Variants in THSD7A observed in about 807,000 individuals in gnomAD.
The protein encoded by THSD7A is thrombospondin type-1 domain-containing protein 7A.
A neutral mutation model predicts 231.3 loss-of-function variants in THSD7A; 96 were observed. The observed-to-expected ratio is 0.41, with a 90% CI of 0.35 to 0.49. The LOEUF (loss-of-function observed/expected upper bound fraction) is 0.49, where lower values mean the gene tolerates loss of function less well. Among genes scored for constraint, THSD7A ranks in the 20% least tolerant of loss-of-function variants. THSD7A has a pLI of 0.05. For missense variants in THSD7A, 2,290 were observed against 2,070.2 expected (o/e 1.11, Z -2.06); for synonymous variants, 940 against 743.3 (o/e 1.26, Z -4.30).
rs925199708 is a variant in THSD7A, at chr7:11,802,569, G to T, written c.190+29188C>A. On this transcript the variant is annotated intron_variant, in intron 1 of 27. Coordinates refer to ENST00000423059, the MANE Select transcript of THSD7A (RefSeq NM_015204.3). The stretch of plus-strand genomic sequence containing the variant: ...TAACAGAGAAGGATAGAGAGACAGA[G>T]GTTGAGTTAAGAGTGGGCCAGAAAA... 2.0e-5 allele frequency among the ~76,000 whole-genome samples: 3 copies of T among 152,154 alleles called. No homozygotes were observed. In the South Asian group the frequency reaches 6.2e-4, roughly 32 times the overall value.
chr7:11,532,734 T>TA (rs1788758117), intron 6 of THSD7A, among the ~76,000 whole-genome samples: 1 of 152,228 alleles, frequency 6.6e-6, no homozygotes, highest in Non-Finnish European at 1.5e-5. Context: ...AATGTCCATT[T>TA]AATGTTTTCT....
At chr7:11,574,040 C>T (rs566184646) in intron 4 of THSD7A, among the ~76,000 whole-genome samples, 1 of 152,162 alleles carries the variant, frequency 6.6e-6, no homozygotes, top group East Asian at 1.9e-4. Flanking sequence ...ACAAGCATAC[C>T]TGAGTGTTAT....
At chr7:11,386,382 T>G (rs943113236) in intron 23 of THSD7A, among the ~76,000 whole-genome samples, 1 of 152,238 alleles carries the variant, frequency 6.6e-6, no homozygotes, top group Non-Finnish European at 1.5e-5. Flanking sequence ...GCATCCATTG[T>G]ATCCTGACTT....
At chr7:11,752,934 AT>A (rs1782549752) in intron 1 of THSD7A, among the ~76,000 whole-genome samples, 3 of 118 alleles carry the variant, frequency 0.025, no homozygotes, top group South Asian at 0.25. Flanking sequence ...GTCTCAGTCA[AT>A]CAATCAATCA....
intron 7 of THSD7A, among the ~76,000 whole-genome samples, chr7:11,479,574 C>T (rs1026422897): frequency 3.3e-5 from 5 of 152,146 alleles, no homozygotes; most frequent in African/African-American, 4.8e-5. Context: ...GGCAGAGAAA[C>T]ACATTTTAAA....
chr7:11,435,744 CT>C (rs1230534615), intron 13 of THSD7A, among the ~76,000 whole-genome samples: 1 of 151,548 alleles, frequency 6.6e-6, no homozygotes, highest in Non-Finnish European at 1.5e-5. Flanking sequence ...AAATATATTG[CT>C]TTTCCAAGTT....
chr7:11,785,364 G>GT (rs1475454582), intron 1 of THSD7A, among the ~76,000 whole-genome samples: 1 of 152,002 alleles, frequency 6.6e-6, no homozygotes, highest in Non-Finnish European at 1.5e-5. Context: ...AGCCTCCTGA[G>GT]TAACTGGACT....
At chr7:11,829,194 T>G (rs1007171668) in intron 1 of THSD7A, among the ~76,000 whole-genome samples, 9 of 152,118 alleles carry the variant, frequency 5.9e-5, no homozygotes. Context: ...AAGTTATACA[T>G]AAATTTTCCA....
intron 1 of THSD7A, among the ~76,000 whole-genome samples, chr7:11,751,798 G>C (rs1782509988): frequency 6.6e-6 from 1 of 152,076 alleles, no homozygotes; most frequent in South Asian, 2.1e-4. Context: ...TTCTGACCCA[G>C]GATAACCCAA....
intron 4 of THSD7A, among the ~76,000 whole-genome samples, chr7:11,561,840 C>T (rs1301431408): frequency 6.6e-6 from 1 of 150,808 alleles, no homozygotes; most frequent in Admixed American, 6.6e-5. Context: ...AACAGAGCAA[C>T]TCTGTGTCAA....
In THSD7A at chr7:11,501,259, C is replaced by G. The variant is rs549173272; in HGVS notation, c.1823-19277G>C. On this transcript the variant is annotated intron_variant, in intron 6 of 27. Transcript: ENST00000423059. ...TCAATAAAGATATTCAGGACCTAAA[C>G]TCAGCATTGGACCAAATGGACCTGA... Among the ~76,000 whole-genome samples, 4 of 152,302 alleles carry G rather than the reference C, an allele frequency of 2.6e-5. No homozygotes were observed. The South Asian group carries it at 8.3e-4, about 32-fold the overall frequency.
intron 22 of THSD7A, among the ~76,000 whole-genome samples, chr7:11,402,416 G>C (rs1311781740): frequency 2.0e-5 from 3 of 152,214 alleles, no homozygotes; most frequent in African/African-American, 7.2e-5. Context: ...GGCCGACAGA[G>C]CTGGTTTTAT....
intron 2 of THSD7A, among the ~76,000 whole-genome samples, chr7:11,627,952 AT>A (rs1434587727): frequency 6.6e-6 from 1 of 152,130 alleles, no homozygotes; most frequent in African/African-American, 2.4e-5. Flanking sequence ...AATCACTATC[AT>A]TAATAATGCA....
chr7:11,750,603 C>T (rs1055925407), intron 1 of THSD7A, among the ~76,000 whole-genome samples: 1 of 151,896 alleles, frequency 6.6e-6, no homozygotes, highest in African/African-American at 2.4e-5. Context: ...AAGTAAGGTG[C>T]CATTATCAAA....
intron 1 of THSD7A, among the ~76,000 whole-genome samples, chr7:11,732,083 C>T (rs1180910470): frequency 1.3e-5 from 2 of 151,516 alleles, no homozygotes; most frequent in East Asian, 3.9e-4. Flanking sequence ...AAATGTTTCT[C>T]TAAAAAAGTT....
At chr7:11,829,810 A>T (rs1237780826) in intron 1 of THSD7A, among the ~76,000 whole-genome samples, 6 of 152,114 alleles carry the variant, frequency 3.9e-5, no homozygotes, top group Admixed American at 1.3e-4. Context: ...GGTAAAAAAA[A>T]AAAAATAAAG....
At position 11,636,275 on chromosome 7, in the gene THSD7A, C is replaced by G. The variant is rs368921188; in HGVS notation, c.877G>C (p.Asp293His). The G allele has an allele frequency of 7.5e-5, 121 of 1,613,884 alleles. No homozygotes were observed. Among genetic ancestry groups the G allele is most frequent in the Non-Finnish European group, 1.0e-4 (118 of 1,179,908 alleles). ...TTAATAAGCTCGCGGGCTTCTGGAT[C>G]CTTTACTCCTTTGCTGCGGTCCTTT... ...REKDRSKGVKDPEARELIKKK... is the reference protein window; with the variant it reads ...REKDRSKGVKHPEARELIKKK... Residue 293 changes from aspartate (D) to histidine (H), a missense_variant, in exon 2 of 28, where the codon GAT (aspartate) becomes CAT (histidine). Transcript: ENST00000423059. The surrounding 1 kb of genome is among the most constrained non-coding windows in gnomAD (Gnocchi z 10.0).
intron 1 of THSD7A, among the ~76,000 whole-genome samples, chr7:11,685,228 A>G (rs1584209047): frequency 6.6e-6 from 1 of 151,976 alleles, no homozygotes; most frequent in African/African-American, 2.4e-5. Context: ...TTAATTTAAG[A>G]TGGATTAAAG....
chr7:11,494,604 G>T (rs934249981), intron 6 of THSD7A, among the ~76,000 whole-genome samples: 5 of 152,010 alleles, frequency 3.3e-5, no homozygotes, highest in African/African-American at 1.2e-4. Flanking sequence ...ATGATAATAT[G>T]GCAATTCAAG....
Sources: allele counts gnomAD v4.1 joint callset (sites outside exome capture counted in the v4.1 genomes callset), GRCh38; gene constraint gnomAD v4.1.1; non-coding constraint Gnocchi (gnomAD v3.1); transcripts MANE v1.5; gene names NCBI Gene and HGNC (gene_info 2026-07-23, HGNC 2026-07-21).